The following NCAM2 variants were observed in gnomAD, a reference collection of about 807,000 sequenced individuals.
NCAM2 encodes neural cell adhesion molecule 2.
Under a neutral mutation model 98.1 loss-of-function variants are expected in NCAM2, and 30 were observed. The ratio of observed to expected loss-of-function variants is 0.31; its 90% CI spans 0.23 to 0.41. The LOEUF is 0.41. Among genes scored for constraint, NCAM2 ranks in the 10% least tolerant of loss-of-function variants. NCAM2 has a pLI of 1.00. For synonymous variants in NCAM2, 368 were observed against 342.4 expected (o/e 1.07, Z -0.83); for missense variants, 867 against 1,005.8 (o/e 0.86, Z 1.87).
At chr21:21,383,448 C>T (rs1167188606) in intron 9 of NCAM2, among the ~76,000 whole-genome samples, 1 of 152,148 alleles carries the variant, frequency 6.6e-6, no homozygotes, top group Non-Finnish European at 1.5e-5. Flanking sequence ...GTTTTAGTTA[C>T]CACGATCACT....
chr21:21,080,667 AAAAAAAAAAAAAAC>A (rs2065776985), intron 1 of NCAM2, among the ~76,000 whole-genome samples: 2 of 145,506 alleles, frequency 1.4e-5, no homozygotes, highest in Non-Finnish European at 3.0e-5. Context: ...AAAAAAAAAA[AAAAAAAAAAAAAAC>A]CAACATTGAT....
chr21:21,479,319 C>T (rs1985556116), intron 15 of NCAM2, among the ~76,000 whole-genome samples: 1 of 151,824 alleles, frequency 6.6e-6, no homozygotes, highest in Non-Finnish European at 1.5e-5. Context: ...CGCGGTGGCT[C>T]ACACCTGTAA....
At chr21:21,266,120 TA>T in intron 1 of NCAM2, among the ~76,000 whole-genome samples, 1 of 152,106 alleles carries the variant, frequency 6.6e-6, no homozygotes, top group East Asian at 1.9e-4. Flanking sequence ...CCTGATATTT[TA>T]AAAAAATGGT....
At chr21:20,999,750 TC>T (rs1196444904) in intron 1 of NCAM2, among the ~76,000 whole-genome samples, 1 of 152,178 alleles carries the variant, frequency 6.6e-6, no homozygotes, top group African/African-American at 2.4e-5. Flanking sequence ...TCTGTATTGC[TC>T]GTTTGGTCCA....
At chr21:21,513,118 G>A (rs145873688) in intron 16 of NCAM2, among the ~76,000 whole-genome samples, 100 of 152,078 alleles carry the variant, frequency 6.6e-4, no homozygotes, top group Middle Eastern at 3.4e-3. Flanking sequence ...CCAGTACTAC[G>A]TTAATACCAG....
chr21:21,454,813 C>T (rs1023377820), intron 12 of NCAM2, among the ~76,000 whole-genome samples: 2 of 151,920 alleles, frequency 1.3e-5, no homozygotes, highest in Non-Finnish European at 2.9e-5. Flanking sequence ...GGAGAAAACA[C>T]CTGCTCTGTG....
At chr21:21,411,434 A>G (rs1357379745) in intron 10 of NCAM2, among the ~76,000 whole-genome samples, 1 of 151,364 alleles carries the variant, frequency 6.6e-6, no homozygotes, top group Non-Finnish European at 1.5e-5. Context: ...CTTGTTCAGT[A>G]TCTTTTGTTT....
chr21:21,400,083 A>G (rs2076596378), intron 9 of NCAM2, among the ~76,000 whole-genome samples: 1 of 152,200 alleles, frequency 6.6e-6, no homozygotes, highest in African/African-American at 2.4e-5. Context: ...CATGCTTTAA[A>G]TTGACACCCT....
intron 8 of NCAM2, among the ~76,000 whole-genome samples, chr21:21,340,102 G>T (rs189364144): frequency 2.0e-5 from 3 of 151,602 alleles, no homozygotes; most frequent in African/African-American, 7.3e-5. Context: ...AAATACAATC[G>T]TATCTGAAAC....
chr21:21,527,574 T>C (rs1454988673), intron 16 of NCAM2, among the ~76,000 whole-genome samples: 3 of 152,046 alleles, frequency 2.0e-5, no homozygotes, highest in East Asian at 3.9e-4. Context: ...TTAAAGAACA[T>C]ATACAAATAG....
At chr21:21,368,556 C>G (rs749332625) in intron 8 of NCAM2, among the ~76,000 whole-genome samples, 1 of 151,852 alleles carries the variant, frequency 6.6e-6, no homozygotes, top group Middle Eastern at 3.2e-3. Context: ...AATCAAGGTG[C>G]TAGCAGGATG....
intron 1 of NCAM2, among the ~76,000 whole-genome samples, chr21:21,079,384 A>G (rs2065745929): frequency 1.3e-5 from 2 of 152,170 alleles, no homozygotes. Context: ...ATTTGTAGAA[A>G]TGTCAAAGAT....
At chr21:21,053,796 T>C (rs2146303746) in intron 1 of NCAM2, among the ~76,000 whole-genome samples, 1 of 151,702 alleles carries the variant, frequency 6.6e-6, no homozygotes, top group African/African-American at 2.4e-5. Context: ...TTTTTCTTGG[T>C]TTATATTGTT....
chr21:21,461,150 A>T (rs1420360133), intron 12 of NCAM2, among the ~76,000 whole-genome samples: 1 of 151,896 alleles, frequency 6.6e-6, no homozygotes. Flanking sequence ...TACTCAGTGG[A>T]CCTTGAAAAA....
At chr21:21,118,965 C>T (rs984608802) in intron 1 of NCAM2, among the ~76,000 whole-genome samples, 19 of 152,066 alleles carry the variant, frequency 1.2e-4, no homozygotes, top group South Asian at 2.1e-4. Context: ...CTAGTGAGCA[C>T]GAATGTAAAT....
intron 5 of NCAM2, among the ~76,000 whole-genome samples, chr21:21,302,447 G>A (rs2073749127): frequency 6.6e-6 from 1 of 151,940 alleles, no homozygotes; most frequent in South Asian, 2.1e-4. Flanking sequence ...TTTCTATTCT[G>A]TTCCATTGAA....
chr21:21,293,839 T>C (rs1325179650), intron 5 of NCAM2, among the ~76,000 whole-genome samples: 1 of 151,748 alleles, frequency 6.6e-6, no homozygotes, highest in Non-Finnish European at 1.5e-5. Context: ...GCAGTCTTTG[T>C]GTTAAGTACG....
intron 1 of NCAM2, among the ~76,000 whole-genome samples, chr21:21,162,502 A>T (rs2067815979): frequency 6.6e-6 from 1 of 152,128 alleles, no homozygotes; most frequent in South Asian, 2.1e-4. Context: ...TAAAATATAT[A>T]TCACAATTTA....
At chr21:21,361,544 C>A (rs1045092869) in intron 8 of NCAM2, among the ~76,000 whole-genome samples, 5 of 151,826 alleles carry the variant, frequency 3.3e-5, no homozygotes, top group Non-Finnish European at 7.4e-5. Context: ...AATTGGGCAC[C>A]CTAGTCTGCC....
Sources: allele counts gnomAD v4.1 joint callset (sites outside exome capture counted in the v4.1 genomes callset), GRCh38; gene constraint gnomAD v4.1.1; transcripts MANE v1.5; gene names NCBI Gene and HGNC (gene_info 2026-07-23, HGNC 2026-07-21).